CACNA1C: variants seen among roughly 807,000 people sequenced by gnomAD.
The protein encoded by CACNA1C is calcium voltage-gated channel subunit alpha1 C.
In CACNA1C, 30 loss-of-function variants were observed where a neutral mutation model predicts 229.0. The ratio of observed to expected loss-of-function variants is 0.13; its 90% confidence interval spans 0.10 to 0.18. The LOEUF (loss-of-function observed/expected upper bound fraction) is 0.18. Among genes scored for constraint, CACNA1C ranks in the 10% least tolerant of loss-of-function variants. The pLI, the probability that CACNA1C is intolerant of heterozygous loss-of-function variation, is 1.00. For synonymous variants in CACNA1C, 1,114 were observed against 1,132.5 expected (o/e 0.98, Z 0.33); for missense variants, 1,658 against 2,845.0 (o/e 0.58, Z 9.49).
chr12:2,261,549 TC>T (rs1277044854), intron 3 of CACNA1C, among the ~76,000 whole-genome samples: 1 of 152,226 alleles, frequency 6.6e-6, no homozygotes, highest in Non-Finnish European at 1.5e-5. Flanking sequence ...GTCTCAGAGA[TC>T]CTGCTGGGGT....
At position 2,582,739 on chromosome 12, in the gene CACNA1C, A is replaced by G. The variant is rs2060996128; in HGVS notation, c.2104-83A>G. The G allele has an allele frequency of 6.1e-6, 9 of 1,484,990 alleles. No individual in the cohort carries two copies. The South Asian group carries it at 7.5e-5, about 12-fold the overall frequency. The allele number at this position is 1,484,990 out of a possible 1,614,324, so 92.0% of individuals were successfully genotyped here. On this transcript the variant is annotated intron_variant, in intron 14 of 46. Transcript: ENST00000399655. ...AGGGAAATTTTGGACAATTTTGTTG[A>G]CGTAGTGGGGCAGGGCAGGGTGGTT...
chr12:2,635,767 T>G (rs1022743351), intron 30 of CACNA1C, among the ~76,000 whole-genome samples: 1 of 152,158 alleles, frequency 6.6e-6, no homozygotes, highest in African/African-American at 2.4e-5. Flanking sequence ...TGTCTCCCTG[T>G]GTCTCTGAGA....
chr12:2,452,659 C>T (rs1488728597), intron 4 of CACNA1C, among the ~76,000 whole-genome samples: 1 of 152,142 alleles, frequency 6.6e-6, no homozygotes, highest in African/African-American at 2.4e-5. Flanking sequence ...CTCCTACACC[C>T]ATGTTTGAAT....
chr12:2,293,322 A>G (rs941333292), intron 3 of CACNA1C, among the ~76,000 whole-genome samples: 4 of 152,246 alleles, frequency 2.6e-5, no homozygotes, highest in African/African-American at 9.6e-5. Flanking sequence ...AAGCTTTTAT[A>G]CATATGGCCA....
At chr12:2,519,369 C>G (rs991073214) in intron 9 of CACNA1C, among the ~76,000 whole-genome samples, 2 of 152,232 alleles carry the variant, frequency 1.3e-5, no homozygotes, top group African/African-American at 4.8e-5. Context: ...GCTGTTGGAA[C>G]AGGTGAGCTC....
rs2096969071 is a variant in CACNA1C, at chr12:2,678,967, A to C, written c.5092-477A>C. On this transcript the variant is annotated intron_variant, in intron 41 of 46. Coordinates refer to ENST00000399655, the MANE Select transcript of CACNA1C (RefSeq NM_000719.7). The surrounding 1 kb of genome is among the most constrained non-coding windows in gnomAD (Gnocchi z 4.1). ...CTTCATTTTCAAAACCGTTTGGCCA[A>C]CCAGCTTTTAGCTCTGTGAGCACAC... Among the ~76,000 whole-genome samples, 1 of 152,166 alleles carries C rather than the reference A, an allele frequency of 6.6e-6. No individual in the cohort carries two copies. Among genetic ancestry groups the C allele is most frequent in the African/African-American group, 2.4e-5 (1 of 41,426 alleles).
Position 2,388,805 on chromosome 12 carries a change from G to A in CACNA1C, c.478-60171G>A, listed in dbSNP as rs529768957. 1.2e-4 allele frequency among the ~76,000 whole-genome samples: 19 copies of A among 152,300 alleles called. No homozygotes were observed. The South Asian group carries it at 3.9e-3, about 32-fold the overall frequency. ...GGCTTGTGGAGTTGGCAGTGTCTGT[G>A]GCACATCCAAGTGCAGTTGATCAGT... On this transcript the variant is annotated intron_variant, in intron 3 of 46. Transcript: ENST00000399655.
At chr12:2,620,541 T>G (rs987821562) in intron 29 of CACNA1C, among the ~76,000 whole-genome samples, 1 of 152,254 alleles carries the variant, frequency 6.6e-6, no homozygotes, top group African/African-American at 2.4e-5. Context: ...CCACCTTCTC[T>G]GAGGCCCCTT....
chr12:2,614,123 T>C (rs1328638418), intron 29 of CACNA1C: 1 of 152,096 alleles, frequency 6.6e-6, no homozygotes, highest in Non-Finnish European at 1.5e-5. Flanking sequence ...TCCACCTAAA[T>C]CCTGCCAATC....
chr12:2,590,857 C>T (rs988977896), intron 18 of CACNA1C, among the ~76,000 whole-genome samples: 3 of 152,172 alleles, frequency 2.0e-5, no homozygotes, highest in African/African-American at 7.2e-5. Context: ...TCGAGCAAAA[C>T]TGAAAAGAAT....
chr12:2,691,280 C>G lies in CACNA1C; in HGVS notation c.*81C>G. 7.5e-7 allele frequency: 1 copy of G among 1,330,228 alleles called. No individual in the cohort carries two copies. The allele number at this position is 1,330,228 out of a possible 1,614,324, so 82.4% of individuals were successfully genotyped here. Reference sequence around the variant, plus strand: ...CGTTTCAGAAGTGCCTCACTGTTCTCGTGACCTGGAGTTAACCGGAACAGC... The same window carrying G: ...CGTTTCAGAAGTGCCTCACTGTTCTGGTGACCTGGAGTTAACCGGAACAGC... On this transcript the variant is annotated 3_prime_UTR_variant, in exon 47 of 47. Coordinates refer to ENST00000399655, the MANE Select transcript of CACNA1C (RefSeq NM_000719.7).
At chr12:2,690,586 G>A (rs1468543867) in intron 46 of CACNA1C, among the ~76,000 whole-genome samples, 1 of 152,164 alleles carries the variant, frequency 6.6e-6, no homozygotes, top group African/African-American at 2.4e-5. Flanking sequence ...CTTCTGCCTG[G>A]GCTTCCCAAA....
chr12:2,062,490 C>G (rs1177917988), intron 1 of CACNA1C, among the ~76,000 whole-genome samples: 2 of 152,226 alleles, frequency 1.3e-5, no homozygotes, highest in Non-Finnish European at 2.9e-5. Flanking sequence ...GAGAAACCCA[C>G]TATCTCTCTA....
intron 3 of CACNA1C, among the ~76,000 whole-genome samples, chr12:2,129,656 T>C (rs1478660334): frequency 6.6e-6 from 1 of 152,198 alleles, no homozygotes; most frequent in East Asian, 1.9e-4. Context: ...TTCATCCTTT[T>C]TCTGGGACTA....
intron 3 of CACNA1C, among the ~76,000 whole-genome samples, chr12:2,398,060 G>A (rs957553148): frequency 5.3e-5 from 8 of 152,376 alleles, no homozygotes; most frequent in Middle Eastern, 3.4e-3. Context: ...CTCAGGCCAA[G>A]CTGGAGGCGC....
At chr12:2,464,042 C>T (rs1364998327) in intron 5 of CACNA1C, among the ~76,000 whole-genome samples, 1 of 152,016 alleles carries the variant, frequency 6.6e-6, no homozygotes, top group East Asian at 1.9e-4. Flanking sequence ...TCCTGCTTTC[C>T]ATTTCATCTC....
At chr12:2,650,468 C>T (rs1324169381) in intron 31 of CACNA1C, among the ~76,000 whole-genome samples, 6 of 152,148 alleles carry the variant, frequency 3.9e-5, no homozygotes, top group East Asian at 3.9e-4. Context: ...GAGGTGTGGA[C>T]GGGACCAGTA....
intron 1 of CACNA1C, among the ~76,000 whole-genome samples, chr12:2,106,692 C>G (rs71454872): frequency 1.2e-4 from 6 of 49,422 alleles, no homozygotes; most frequent in African/African-American, 4.7e-4. Context: ...AGCCACTGGG[C>G]GCCCACCCCG....
At chr12:2,012,114 T>C (rs981621058) in intron 1 of CACNA1C, among the ~76,000 whole-genome samples, 1 of 152,216 alleles carries the variant, frequency 6.6e-6, no homozygotes. Flanking sequence ...CTGCAAAATA[T>C]TGTGCTAAAC....
Sources: gnomAD v4.1 joint callset for allele counts (sites outside exome capture counted in the v4.1 genomes callset) on GRCh38, gnomAD v4.1.1 for gene constraint, Gnocchi (gnomAD v3.1) non-coding constraint, MANE v1.5 for transcripts, NCBI Gene and HGNC (gene_info 2026-07-23, HGNC 2026-07-21) for gene names.